The following NDUFB2 variants were observed in gnomAD, a reference collection of about 807,000 sequenced individuals.
NDUFB2 encodes NADH:ubiquinone oxidoreductase subunit B2, also known as NADH dehydrogenase [ubiquinone] 1 beta subcomplex subunit 2, mitochondrial.
A neutral mutation model predicts 13.4 loss-of-function variants in NDUFB2; 13 were observed. That is an observed-to-expected ratio of 0.97 (90% CI 0.63 to 1.54). The LOEUF is 1.54. Among genes scored for constraint, NDUFB2 ranks in the 40% most tolerant of loss-of-function variants. NDUFB2 has a pLI of 0.00. For missense variants in NDUFB2, 150 were observed against 139.7 expected (o/e 1.07, Z -0.37); for synonymous variants, 47 against 50.6 (o/e 0.93, Z 0.30).
chr7:140,698,094 G>A, intron 1 of NDUFB2: 2 of 1,346,548 alleles, frequency 1.5e-6, no homozygotes, highest in Non-Finnish European at 2.0e-6. Context: ...CCCAGGAAAT[G>A]AAAGGAGTGA....
chr7:140,705,252 A>T, intron 3 of NDUFB2: 1 of 191,310 alleles, frequency 5.2e-6, no homozygotes, highest in Non-Finnish European at 1.1e-5. Flanking sequence ...GGCACATGCT[A>T]CCACACTTGG....
In NDUFB2 at chr7:140,704,918, CTGA is replaced by C. The variant is rs1394235075; in HGVS notation, c.309_311del (p.Asp103del). 1.2e-6 allele frequency: 2 copies of C among 1,602,590 alleles called. No individual in the cohort carries two copies. Among genetic ancestry groups the C allele is most frequent in the Admixed American group, 1.7e-5 (1 of 58,300 alleles). On this transcript the variant is annotated inframe_deletion, in exon 3 of 4. Coordinates refer to ENST00000247866, the MANE Select transcript of NDUFB2 (RefSeq NM_004546.3). ...ACAGATGAAGAATTAGGTATCCCTC[CTGA>C]TGATGAAGACTGAAGGTGTAGACTC...
At chr7:140,697,374 CAG>C (rs1316984237) in intron 1 of NDUFB2, 3 of 702,854 alleles carry the variant, frequency 4.3e-6, no homozygotes, top group East Asian at 5.4e-5. Context: ...GGCTGTCGCC[CAG>C]AGAGAGCGCC....
intron 1 of NDUFB2, chr7:140,702,167 C>T (rs1027435987): frequency 9.4e-6 from 6 of 636,122 alleles, no homozygotes; most frequent in African/African-American, 7.3e-5. Flanking sequence ...TTTTTATCCA[C>T]TTCTGTTTAT....
At chr7:140,705,855 T>C (rs563145244) in intron 3 of NDUFB2, among the ~76,000 whole-genome samples, 1 of 152,306 alleles carries the variant, frequency 6.6e-6, no homozygotes, top group Non-Finnish European at 1.5e-5. Context: ...ACTAACTCTT[T>C]AAACAGTAAA....
chr7:140,704,342 CATTT>C (rs2130802535), intron 2 of NDUFB2, among the ~76,000 whole-genome samples: 1 of 152,270 alleles, frequency 6.6e-6, no homozygotes, highest in East Asian at 1.9e-4. Context: ...ACTGTCCACA[CATTT>C]ACTATTTGAG....
intron 1 of NDUFB2, chr7:140,701,886 A>G (rs1404538432): frequency 1.9e-6 from 1 of 519,768 alleles, no homozygotes; most frequent in Non-Finnish European, 3.4e-6. Flanking sequence ...CAGTGAGCCA[A>G]GATTGTTCCA....
chr7:140,704,043 C>T (rs1794933374), intron 2 of NDUFB2, among the ~76,000 whole-genome samples: 2 of 152,230 alleles, frequency 1.3e-5, no homozygotes, highest in Admixed American at 1.3e-4. Context: ...GCGTGAGCCA[C>T]TGCGCCCGGC....
At chr7:140,706,110 T>TTATGTTATGTTATGTTATGTTATGTTA (rs1794970348) in intron 3 of NDUFB2, 3 of 85,856 alleles carry the variant, frequency 3.5e-5, no homozygotes, top group Admixed American at 1.2e-4. Flanking sequence ...GTTATGTTAT[T>TTATGTTATGTTATGTTATGTTATGTTA]TGAGACAGGG....
chr7:140,698,317 A>T (rs776852014), intron 1 of NDUFB2: 12 of 1,350,024 alleles, frequency 8.9e-6, no homozygotes, highest in Non-Finnish European at 1.2e-5. Flanking sequence ...TGTGATAATT[A>T]AGTGCATAAA....
At chr7:140,698,154 G>A in intron 1 of NDUFB2, 2 of 1,352,110 alleles carry the variant, frequency 1.5e-6, no homozygotes, top group Non-Finnish European at 2.0e-6. Context: ...GGGCAGGTGT[G>A]GGGTGGGCAG....
At chr7:140,698,118 C>T in intron 1 of NDUFB2, 2 of 1,351,400 alleles carry the variant, frequency 1.5e-6, no homozygotes, top group African/African-American at 1.5e-5. Flanking sequence ...GCCTGAAGTC[C>T]CACATGGATG....
At chr7:140,705,016 T>G (rs1794946577) in intron 3 of NDUFB2, 53 bp downstream of exon 3, 1 of 1,007,226 alleles carries the variant, frequency 9.9e-7, no homozygotes, top group African/African-American at 1.7e-5. Flanking sequence ...TCATAAACAT[T>G]AGTTTTTACT....
intron 1 of NDUFB2, chr7:140,701,945 C>G: frequency 1.6e-6 from 1 of 638,844 alleles, no homozygotes; most frequent in Non-Finnish European, 2.9e-6. Context: ...AACAAACAAA[C>G]AAAGAAAACA....
intron 3 of NDUFB2, 55 bp downstream of exon 3, chr7:140,705,018 G>T: frequency 1.0e-6 from 1 of 974,808 alleles, no homozygotes; most frequent in South Asian, 2.2e-5. Flanking sequence ...ATAAACATTA[G>T]TTTTTACTTT....
At chr7:140,701,921 G>A in intron 1 of NDUFB2, 1 of 597,750 alleles carries the variant, frequency 1.7e-6, no homozygotes, top group Non-Finnish European at 3.0e-6. Flanking sequence ...GGGTGACAGA[G>A]TGAGACTCTC....
chr7:140,701,835 C>G (rs1209547173), intron 1 of NDUFB2: 1 of 430,466 alleles, frequency 2.3e-6, no homozygotes, highest in Non-Finnish European at 4.2e-6. Context: ...ACTTGGGAGG[C>G]TGAGGCAGGA....
chr7:140,702,779 G>A, intron 1 of NDUFB2, 87 bp from the exon 2 acceptor site: 1 of 1,482,108 alleles, frequency 6.7e-7, no homozygotes, highest in Non-Finnish European at 9.3e-7. Flanking sequence ...ATTAGCGTTG[G>A]TTCTAGGATG....
intron 1 of NDUFB2, among the ~76,000 whole-genome samples, chr7:140,699,645 C>A (rs897989403): frequency 1.3e-5 from 2 of 152,046 alleles, no homozygotes; most frequent in East Asian, 1.9e-4. Flanking sequence ...GTCTCTTTCC[C>A]CACACCTCAT....
Sources: allele counts gnomAD v4.1 joint callset (sites outside exome capture counted in the v4.1 genomes callset), GRCh38; gene constraint gnomAD v4.1.1; transcripts MANE v1.5; gene names NCBI Gene and HGNC (gene_info 2026-07-23, HGNC 2026-07-21).